Variants in SETBP1 observed in about 807,000 individuals in gnomAD.
SETBP1 encodes the protein SET binding protein 1, also known as SET-binding protein.
A neutral mutation model predicts 101.0 loss-of-function variants in SETBP1; 9 were observed. The observed-to-expected ratio is 0.09, with a 90% CI of 0.05 to 0.16. The LOEUF (loss-of-function observed/expected upper bound fraction) is 0.16. Among genes scored for constraint, SETBP1 ranks in the 10% least tolerant of loss-of-function variants. The pLI is 1.00. For missense variants in SETBP1, 1,858 were observed against 2,033.8 expected (o/e 0.91, Z 1.66); for synonymous variants, 818 against 788.5 (o/e 1.04, Z -0.63).
At chr18:44,947,492 CTTT>C (rs58509226) in intron 3 of SETBP1, among the ~76,000 whole-genome samples, 1 of 114,210 alleles carries the variant, frequency 8.8e-6, no homozygotes, top group Non-Finnish European at 1.8e-5. Context: ...GTTTGTCCCA[CTTT>C]TTTTTTTTTT....
intron 1 of SETBP1, among the ~76,000 whole-genome samples, chr18:44,685,712 A>G (rs754892909): frequency 1.3e-5 from 2 of 152,208 alleles, no homozygotes; most frequent in Non-Finnish European, 2.9e-5. Flanking sequence ...GAGGATTTCC[A>G]TGCTGCCTCC....
At chr18:44,805,125 C>T (rs2071699610) in intron 2 of SETBP1, among the ~76,000 whole-genome samples, 1 of 152,120 alleles carries the variant, frequency 6.6e-6, no homozygotes, top group Admixed American at 6.5e-5. Flanking sequence ...GTCCATACAA[C>T]TAAAGTCTAA....
intron 4 of SETBP1, chr18:44,988,985 T>C (rs370869310): frequency 4.7e-4 from 71 of 152,298 alleles, no homozygotes; most frequent in African/African-American, 1.5e-3. Context: ...GTGCATATTA[T>C]CTCTGGAAAA....
chr18:44,905,430 T>C (rs1409260071), intron 3 of SETBP1, among the ~76,000 whole-genome samples: 1 of 152,236 alleles, frequency 6.6e-6, no homozygotes, highest in African/African-American at 2.4e-5. Context: ...TTATTTACTT[T>C]ATACACAGCT....
chr18:44,798,591 C>G (rs1230694066), intron 2 of SETBP1, among the ~76,000 whole-genome samples: 1 of 152,194 alleles, frequency 6.6e-6, no homozygotes, highest in Non-Finnish European at 1.5e-5. Flanking sequence ...TAAAATAGCA[C>G]TTCCCCTTTA....
intron 5 of SETBP1, among the ~76,000 whole-genome samples, chr18:45,048,746 G>C (rs941178550): frequency 2.0e-5 from 3 of 151,730 alleles, no homozygotes; most frequent in Admixed American, 1.3e-4. Flanking sequence ...GCCGAGGCGG[G>C]TGGATCATGA....
intron 3 of SETBP1, among the ~76,000 whole-genome samples, chr18:44,902,951 T>A (rs545083006): frequency 2.0e-4 from 30 of 152,140 alleles, no homozygotes; most frequent in South Asian, 8.3e-4. Context: ...AATATTTTTT[T>A]AAAAAATAAT....
At chr18:44,728,900 G>T (rs2069771734) in intron 2 of SETBP1, among the ~76,000 whole-genome samples, 1 of 152,248 alleles carries the variant, frequency 6.6e-6, no homozygotes, top group African/African-American at 2.4e-5. Flanking sequence ...GCAGAGGTAA[G>T]AACTAGGCAG....
chr18:45,002,082 C>G (rs1268132517), intron 4 of SETBP1, among the ~76,000 whole-genome samples: 3 of 152,004 alleles, frequency 2.0e-5, no homozygotes, highest in Non-Finnish European at 4.4e-5. Context: ...ATTGATCTCT[C>G]TTTGAAAAAA....
At chr18:44,949,334 C>G (rs1435131957) in intron 3 of SETBP1, among the ~76,000 whole-genome samples, 1 of 152,180 alleles carries the variant, frequency 6.6e-6, no homozygotes, top group African/African-American at 2.4e-5. Context: ...AGACAAAGTA[C>G]AAGCTGAAAT....
chr18:44,984,724 C>G (rs1363560835), intron 4 of SETBP1, among the ~76,000 whole-genome samples: 2 of 152,218 alleles, frequency 1.3e-5, no homozygotes, highest in African/African-American at 4.8e-5. Context: ...GTAAGAGGCA[C>G]TATGAGTTGG....
At chr18:44,875,752 A>T (rs1016315028) in intron 3 of SETBP1, among the ~76,000 whole-genome samples, 1 of 152,192 alleles carries the variant, frequency 6.6e-6, no homozygotes, top group Non-Finnish European at 1.5e-5. Flanking sequence ...TTGTAAAATT[A>T]ATAGGAACAT....
intron 3 of SETBP1, among the ~76,000 whole-genome samples, chr18:44,928,277 G>A (rs2070748934): frequency 1.3e-5 from 2 of 152,150 alleles, no homozygotes; most frequent in African/African-American, 2.4e-5. Context: ...TTTTATGGCT[G>A]TATAGTATTC....
At chr18:44,842,598 A>G (rs192965959) in intron 2 of SETBP1, among the ~76,000 whole-genome samples, 2 of 152,288 alleles carry the variant, frequency 1.3e-5, no homozygotes, top group Non-Finnish European at 2.9e-5. Flanking sequence ...GTGTGAGCCA[A>G]CTGGTTTTGG....
chr18:44,688,867 G>A (rs1249231161), intron 1 of SETBP1, among the ~76,000 whole-genome samples: 1 of 152,182 alleles, frequency 6.6e-6, no homozygotes, highest in Non-Finnish European at 1.5e-5. Context: ...TATTACGACT[G>A]GTGTTTTGAT....
At chr18:44,786,580 A>G (rs1397159780) in intron 2 of SETBP1, among the ~76,000 whole-genome samples, 2 of 152,254 alleles carry the variant, frequency 1.3e-5, no homozygotes, top group Non-Finnish European at 2.9e-5. Context: ...ATCAAGGGTA[A>G]CAGGGAAGGG....
chr18:44,792,757 AAAGGAGAAC>A (rs1250979057), intron 2 of SETBP1, among the ~76,000 whole-genome samples: 4 of 152,188 alleles, frequency 2.6e-5, no homozygotes, highest in Non-Finnish European at 4.4e-5. Context: ...TTCTCTTTCC[AAAGGAGAAC>A]AACCTGAATA....
At chr18:44,910,577 T>C (rs1481760084) in intron 3 of SETBP1, among the ~76,000 whole-genome samples, 1 of 152,222 alleles carries the variant, frequency 6.6e-6, no homozygotes, top group Non-Finnish European at 1.5e-5. Flanking sequence ...CGGGCCAGTG[T>C]CCTGCCCATG....
chr18:45,030,126 C>A (rs528117133), intron 4 of SETBP1, among the ~76,000 whole-genome samples: 46 of 149,518 alleles, frequency 3.1e-4, no homozygotes, highest in South Asian at 6.5e-4. Flanking sequence ...TTGCCCATTC[C>A]GTATGATATT....
Sources: gnomAD v4.1 joint callset for allele counts (sites outside exome capture counted in the v4.1 genomes callset) on GRCh38, gnomAD v4.1.1 for gene constraint, MANE v1.5 for transcripts, NCBI Gene and HGNC (gene_info 2026-07-23, HGNC 2026-07-21) for gene names.